The following EPB41L1 variants were observed in gnomAD, a reference collection of about 807,000 sequenced individuals.
EPB41L1 encodes erythrocyte membrane protein band 4.1 like 1.
A neutral mutation model predicts 97.8 loss-of-function variants in EPB41L1; 29 were observed. That is an observed-to-expected ratio of 0.30 (90% CI 0.22 to 0.40). EPB41L1 has a LOEUF of 0.40. Ranked by LOEUF, EPB41L1 falls within the 10% of genes least tolerant of loss-of-function variation. The pLI, the probability that EPB41L1 is intolerant of heterozygous loss-of-function variation, is 1.00. For synonymous variants in EPB41L1, 383 were observed against 459.2 expected (o/e 0.83, Z 2.12); for missense variants, 812 against 1,162.3 (o/e 0.70, Z 4.38).
At chr20:36,134,620 G>A (rs1294452863) in intron 2 of EPB41L1, among the ~76,000 whole-genome samples, 2 of 152,276 alleles carry the variant, frequency 1.3e-5, no homozygotes, top group Admixed American at 6.5e-5. Context: ...AACTTACCCA[G>A]GCCATGGAGT....
chr20:36,096,968 A>G (rs1486314974), intron 1 of EPB41L1, among the ~76,000 whole-genome samples: 1 of 152,206 alleles, frequency 6.6e-6, no homozygotes, highest in Non-Finnish European at 1.5e-5. Context: ...TCAATGCTGC[A>G]TCTCCCATCT....
At chr20:36,220,145 T>A (rs1184724489) in intron 19 of EPB41L1, among the ~76,000 whole-genome samples, 1 of 152,168 alleles carries the variant, frequency 6.6e-6, no homozygotes, top group African/African-American at 2.4e-5. Flanking sequence ...CGGGGTGACA[T>A]ATGGGAGGCC....
At chr20:36,178,475 C>G (rs964050575) in intron 4 of EPB41L1, among the ~76,000 whole-genome samples, 155 bp from the exon 5 acceptor site, 6 of 152,172 alleles carry the variant, frequency 3.9e-5, no homozygotes, top group African/African-American at 1.4e-4. Flanking sequence ...CCCCTCACCC[C>G]CTAGTCCCAA....
chr20:36,170,141 AT>A lies in EPB41L1; in HGVS notation c.-14-3612del, dbSNP rs369888878. ...TTGTGAAATAAAGATTTCATCATAGATTTTTTTTTTTAAAGATGTTATTTTT... is the reference window on the plus strand; with the variant it reads ...TTGTGAAATAAAGATTTCATCATAGATTTTTTTTTTAAAGATGTTATTTTT... On this transcript the variant is annotated intron_variant, in intron 1 of 21. Coordinates refer to ENST00000338074, the MANE Select transcript of EPB41L1 (RefSeq NM_012156.2). 3.2e-3 allele frequency among the ~76,000 whole-genome samples: 471 copies of A among 149,424 alleles called. 1 individual carries two copies. The highest frequency in any genetic ancestry group is 6.6e-3 in the African/African-American group (270 of 40,882).
rs73902991 is a variant in EPB41L1 at position 36,177,762 on chromosome 20, A to T, written c.343-190A>T. ...GAAGAAGGCCATCAAGGAGCTGGCC[A>T]TTGTTGTCACCCCCAGGATCCCTTA... On this transcript the variant is annotated intron_variant, in intron 3 of 21. Transcript: ENST00000338074. 2.9e-3 allele frequency among the ~76,000 whole-genome samples: 445 copies of T among 152,314 alleles called. 2 individuals carry two copies. The highest frequency in any genetic ancestry group is 0.01 in the African/African-American group (425 of 41,566).
At chr20:36,202,740 G>A (rs765324718) in intron 14 of EPB41L1, among the ~76,000 whole-genome samples, 102 of 151,308 alleles carry the variant, frequency 6.7e-4, no homozygotes, top group Non-Finnish European at 1.1e-3. Flanking sequence ...TTGAACTCGG[G>A]AGGCGGCTGT....
intron 2 of EPB41L1, 91 bp from the exon 3 acceptor site, chr20:36,175,460 G>A: frequency 2.7e-6 from 4 of 1,478,980 alleles, no homozygotes; most frequent in South Asian, 2.3e-5. Flanking sequence ...GTCTGTCTTG[G>A]CCCCAGATGC....
At chr20:36,169,266 AGTCACTT>A (rs1385199075) in intron 1 of EPB41L1, among the ~76,000 whole-genome samples, 1 of 151,606 alleles carries the variant, frequency 6.6e-6, no homozygotes, top group Non-Finnish European at 1.5e-5. Context: ...AGAAAAGTGA[AGTCACTT>A]GTCCAAGGTC....
intron 2 of EPB41L1, among the ~76,000 whole-genome samples, chr20:36,125,720 T>A (rs2147711434): frequency 6.6e-6 from 1 of 152,186 alleles, no homozygotes; most frequent in South Asian, 2.1e-4. Context: ...TGGCACTTTA[T>A]CTGGAGAGCG....
rs568708907 is a variant in EPB41L1, at chr20:36,140,116, G to A, written c.-10+27636G>A. The stretch of plus-strand genomic sequence containing the variant: ...GTCACCCAGGCTGGAGTGCAGAAGC[G>A]CAATCTCTGCTCACTGCAACCTCTG... On this transcript the variant is annotated intron_variant, in intron 2 of 19. Coordinates refer to the EPB41L1 transcript ENST00000202028. Among the ~76,000 whole-genome samples, 8 of 151,696 alleles carry A rather than the reference G, an allele frequency of 5.3e-5. No individual in the cohort carries two copies. The South Asian group carries it at 1.2e-3, about 24-fold the overall frequency.
chr20:36,133,270 A>G (rs928711265), intron 2 of EPB41L1, among the ~76,000 whole-genome samples: 1 of 152,258 alleles, frequency 6.6e-6, no homozygotes, highest in Non-Finnish European at 1.5e-5. Flanking sequence ...GGGTCTGAAA[A>G]GACCACCATT....
chr20:36,140,939 C>A (rs2059614705), intron 2 of EPB41L1, among the ~76,000 whole-genome samples: 1 of 152,170 alleles, frequency 6.6e-6, no homozygotes, highest in Non-Finnish European at 1.5e-5. Context: ...GAGGAGGCAG[C>A]AAGAGCCTGT....
At chr20:36,147,039 T>C (rs1411107732) in intron 2 of EPB41L1, among the ~76,000 whole-genome samples, 1 of 151,932 alleles carries the variant, frequency 6.6e-6, no homozygotes, top group Non-Finnish European at 1.5e-5. Flanking sequence ...CCCAGCTACT[T>C]AGGGGGCTGA....
chr20:36,204,497 T>TTTTTTTG (rs2062686030), intron 14 of EPB41L1, among the ~76,000 whole-genome samples: 1 of 143,918 alleles, frequency 6.9e-6, no homozygotes, highest in African/African-American at 2.8e-5. Context: ...TTTTTTTTTT[T>TTTTTTTG]GAGATGGAGT....
rs914584529 is a variant in EPB41L1 at position 36,229,513 on chromosome 20, G to T, written c.*173G>T. 3.2e-6 allele frequency: 2 copies of T among 634,394 alleles called. No individual in the cohort carries two copies. The highest frequency in any genetic ancestry group is 5.7e-6 in the Non-Finnish European group (2 of 351,722). 39.3% of individuals were successfully genotyped at this position (634,394 alleles called of 1,614,324 possible). ...ATATATATAGATATATAGAGATATA[G>T]ATATATATACAGGAAACACCGCATC... On this transcript the variant is annotated 3_prime_UTR_variant, in exon 22 of 22. Coordinates refer to ENST00000338074, the MANE Select transcript of EPB41L1 (RefSeq NM_012156.2).
chr20:36,095,480 C>G (rs1176285269), intron 1 of EPB41L1, among the ~76,000 whole-genome samples: 1 of 152,220 alleles, frequency 6.6e-6, no homozygotes, highest in Non-Finnish European at 1.5e-5. Flanking sequence ...TATTAAGCTT[C>G]TTTATGTGAA....
At chr20:36,141,217 T>C (rs975583134) in intron 2 of EPB41L1, among the ~76,000 whole-genome samples, 1 of 152,226 alleles carries the variant, frequency 6.6e-6, no homozygotes, top group African/African-American at 2.4e-5. Context: ...GTTGTGCTGC[T>C]GTACTTGCTG....
intron 1 of EPB41L1, among the ~76,000 whole-genome samples, chr20:36,104,502 A>G (rs2058125870): frequency 6.6e-6 from 1 of 151,972 alleles, no homozygotes; most frequent in African/African-American, 2.4e-5. Context: ...TAAGAGAGAG[A>G]CTGCCGGGAA....
intron 1 of EPB41L1, among the ~76,000 whole-genome samples, chr20:36,097,024 G>T (rs1015755303): frequency 2.0e-5 from 3 of 152,222 alleles, no homozygotes; most frequent in Non-Finnish European, 4.4e-5. Flanking sequence ...GGCCCATGCT[G>T]GGCTCTGCTC....
Sources: allele counts gnomAD v4.1 joint callset (sites outside exome capture counted in the v4.1 genomes callset), GRCh38; gene constraint gnomAD v4.1.1; transcripts MANE v1.5; gene names NCBI Gene and HGNC (gene_info 2026-07-23, HGNC 2026-07-21).